The following ERC2 variants were observed in gnomAD, a reference collection of about 807,000 sequenced individuals.
ERC2 encodes the protein ELKS/RAB6-interacting/CAST family member 2, also known as ERC protein 2.
ERC2 carries 42 observed loss-of-function variants against 114.8 expected under a neutral mutation model. That is an observed-to-expected ratio of 0.37 (90% confidence interval 0.29 to 0.47). The LOEUF is 0.47. ERC2 is among the 20% of genes least tolerant of loss of function. The pLI, the probability that ERC2 is intolerant of heterozygous loss-of-function variation, is 0.99. For synonymous variants in ERC2, 454 were observed against 425.5 expected (o/e 1.07, Z -0.82); for missense variants, 939 against 1,150.7 (o/e 0.82, Z 2.66).
intron 1 of ERC2, among the ~76,000 whole-genome samples, chr3:56,452,506 T>C (rs2062866887): frequency 6.6e-6 from 1 of 152,266 alleles, no homozygotes. Context: ...ATTTCTAAAT[T>C]GATTTAGGTT....
chr3:56,223,605 C>T (rs555663169), intron 3 of ERC2, among the ~76,000 whole-genome samples: 1 of 151,990 alleles, frequency 6.6e-6, no homozygotes, highest in East Asian at 1.9e-4. Context: ...GACACTTTAG[C>T]CCTGCAATGT....
At chr3:56,343,773 G>A (rs1020511080) in intron 2 of ERC2, among the ~76,000 whole-genome samples, 1 of 152,146 alleles carries the variant, frequency 6.6e-6, no homozygotes, top group Admixed American at 6.5e-5. Flanking sequence ...AGGACACAAA[G>A]CAGACTTGTC....
At chr3:56,069,137 G>T (rs2076612614) in intron 7 of ERC2, among the ~76,000 whole-genome samples, 2 of 152,092 alleles carry the variant, frequency 1.3e-5, no homozygotes, top group African/African-American at 4.8e-5. Context: ...TTGACAGTTG[G>T]GTGTTAAGGT....
intron 17 of ERC2, among the ~76,000 whole-genome samples, chr3:55,579,119 G>C (rs2057131329): frequency 6.6e-6 from 1 of 152,186 alleles, no homozygotes; most frequent in African/African-American, 2.4e-5. Flanking sequence ...TATGGGAACA[G>C]TTATAAAATC....
At chr3:56,168,489 C>G (rs938300688) in intron 4 of ERC2, among the ~76,000 whole-genome samples, 1 of 152,194 alleles carries the variant, frequency 6.6e-6, no homozygotes, top group African/African-American at 2.4e-5. Flanking sequence ...GTAGGCCCTA[C>G]AGTCAAAGAA....
At chr3:56,327,481 C>G in intron 2 of ERC2, among the ~76,000 whole-genome samples, 1 of 152,120 alleles carries the variant, frequency 6.6e-6, no homozygotes, top group Non-Finnish European at 1.5e-5. Context: ...CAAAGCCTAA[C>G]CATATCACAC....
At chr3:56,285,625 A>T (rs2054648170) in intron 3 of ERC2, among the ~76,000 whole-genome samples, 1 of 152,202 alleles carries the variant, frequency 6.6e-6, no homozygotes, top group African/African-American at 2.4e-5. Context: ...GCAGAGAGTG[A>T]TAAGGGAACT....
chr3:55,836,019 T>G (rs969266332), intron 14 of ERC2, among the ~76,000 whole-genome samples: 1 of 150,868 alleles, frequency 6.6e-6, no homozygotes. Flanking sequence ...TCAAAGAGAA[T>G]AAAATACCTA....
chr3:55,740,400 C>G (rs754680315), intron 14 of ERC2, among the ~76,000 whole-genome samples: 7 of 151,902 alleles, frequency 4.6e-5, no homozygotes, highest in Non-Finnish European at 8.8e-5. Context: ...TAGATATTGG[C>G]ATTATATAAT....
Position 56,148,964 on chromosome 3 carries a change from C to T in ERC2, c.1305+13G>A. The T allele has an allele frequency of 6.2e-7, 1 of 1,612,286 alleles. No individual in the cohort carries two copies. Among genetic ancestry groups the T allele is most frequent in the South Asian group, 1.1e-5 (1 of 90,880 alleles). Reference sequence around the variant, plus strand: ...ACATTAAGAACATAAAAGTTTATAACCCTGGACCGTACCTTGGTCTTCATA... The same window carrying T: ...ACATTAAGAACATAAAAGTTTATAATCCTGGACCGTACCTTGGTCTTCATA... On this transcript the variant is annotated intron_variant, in intron 5 of 17. Transcript: ENST00000288221.
intron 14 of ERC2, among the ~76,000 whole-genome samples, chr3:55,784,222 T>C (rs1353943205): frequency 6.6e-6 from 1 of 152,178 alleles, no homozygotes; most frequent in Non-Finnish European, 1.5e-5. Context: ...GTATTCTCTA[T>C]CTTTGTGATT....
intron 2 of ERC2, among the ~76,000 whole-genome samples, chr3:56,382,227 G>T (rs1199418429): frequency 6.6e-6 from 1 of 151,880 alleles, no homozygotes; most frequent in Non-Finnish European, 1.5e-5. Flanking sequence ...CTCCTCTTGT[G>T]TACTAGATCC....
chr3:56,268,880 G>A (rs1464226239), intron 3 of ERC2, among the ~76,000 whole-genome samples: 5 of 152,140 alleles, frequency 3.3e-5, no homozygotes, highest in Non-Finnish European at 7.3e-5. Flanking sequence ...ACTTTAACCT[G>A]ATGTGGAATG....
chr3:55,916,144 C>A (rs780196910), intron 13 of ERC2, among the ~76,000 whole-genome samples: 2 of 152,134 alleles, frequency 1.3e-5, no homozygotes, highest in Non-Finnish European at 2.9e-5. Context: ...ACTGTGGCAA[C>A]AGCGTGGTGA....
intron 14 of ERC2, among the ~76,000 whole-genome samples, chr3:55,751,968 T>C (rs902758460): frequency 6.6e-6 from 1 of 152,164 alleles, no homozygotes; most frequent in Non-Finnish European, 1.5e-5. Flanking sequence ...AGAAAAGAGC[T>C]AACAAGTGAG....
chr3:55,550,715 G>C (rs1447532181), intron 17 of ERC2, among the ~76,000 whole-genome samples: 1 of 152,140 alleles, frequency 6.6e-6, no homozygotes, highest in Non-Finnish European at 1.5e-5. Context: ...TTTTCAAACA[G>C]ATATAATTTA....
At chr3:56,452,486 CAT>C (rs2062865882) in intron 1 of ERC2, among the ~76,000 whole-genome samples, 1 of 152,162 alleles carries the variant, frequency 6.6e-6, no homozygotes. Flanking sequence ...TGTCATATGA[CAT>C]ATACTCTATT....
At chr3:56,347,758 G>C (rs2058365082) in intron 2 of ERC2, among the ~76,000 whole-genome samples, 1 of 151,976 alleles carries the variant, frequency 6.6e-6, no homozygotes, top group African/African-American at 2.4e-5. Context: ...GCCCCACTTG[G>C]CCCTTCCTAC....
intron 2 of ERC2, among the ~76,000 whole-genome samples, chr3:56,425,195 C>G (rs1357690928): frequency 6.6e-6 from 1 of 152,122 alleles, no homozygotes; most frequent in Non-Finnish European, 1.5e-5. Flanking sequence ...CATAACTGCC[C>G]CAACCATCTC....
Sources: gnomAD v4.1 joint callset for allele counts (sites outside exome capture counted in the v4.1 genomes callset) on GRCh38, gnomAD v4.1.1 for gene constraint, MANE v1.5 for transcripts, NCBI Gene and HGNC (gene_info 2026-07-23, HGNC 2026-07-21) for gene names.